Variants in LPAR6 observed in about 807,000 individuals in gnomAD.
The protein encoded by LPAR6 is G-protein coupled purinergic receptor P2Y5.
LPAR6 carries 17 observed loss-of-function variants against 22.0 expected under a neutral mutation model. The ratio of observed to expected loss-of-function variants is 0.77; its 90% CI spans 0.53 to 1.16. LPAR6 has a LOEUF of 1.16. LPAR6 is among the 50% of genes most tolerant of loss of function. The pLI is 0.00. For missense variants in LPAR6, 384 were observed against 406.9 expected (o/e 0.94, Z 0.48); for synonymous variants, 136 against 139.8 (o/e 0.97, Z 0.19).
At chr13:48,429,774 C>A (rs1374073559), upstream of LPAR6, among the ~76,000 whole-genome samples, 1 of 152,062 alleles carries the variant, frequency 6.6e-6, no homozygotes, top group East Asian at 1.9e-4. Context: ...CAGCAGTAAT[C>A]AACTGGAAAA....
intron 1 of LPAR6, among the ~76,000 whole-genome samples, chr13:48,435,443 G>GT (rs1949173647): frequency 1.3e-5 from 2 of 152,042 alleles, no homozygotes; most frequent in African/African-American, 4.8e-5. Context: ...AGTTTTGAGG[G>GT]TTCTTTATAT....
upstream of LPAR6, among the ~76,000 whole-genome samples, chr13:48,430,550 G>C (rs1949118720): frequency 6.6e-6 from 1 of 152,110 alleles, no homozygotes; most frequent in African/African-American, 2.4e-5. Flanking sequence ...CACCAGCCTA[G>C]CTAACGTGGT....
chr13:48,426,806 A>G (rs1949085958), intron 1 of LPAR6: 1 of 152,250 alleles, frequency 6.6e-6, no homozygotes, highest in Admixed American at 6.5e-5. Context: ...CTGTAAAGAA[A>G]TACCTGAGAC....
upstream of LPAR6, among the ~76,000 whole-genome samples, chr13:48,428,720 T>C (rs1025237212): frequency 1.3e-5 from 2 of 152,236 alleles, no homozygotes; most frequent in Non-Finnish European, 2.9e-5. Context: ...ATTTTTAGCT[T>C]CATCTTTATT....
intron 1 of LPAR6, among the ~76,000 whole-genome samples, chr13:48,400,353 A>C (rs183765821): frequency 1.1e-4 from 17 of 152,272 alleles, no homozygotes; most frequent in African/African-American, 3.6e-4. Context: ...CTGTGTCCAC[A>C]AAACTGGTTG....
intron 1 of LPAR6, among the ~76,000 whole-genome samples, chr13:48,403,213 T>G (rs961382254): frequency 2.0e-5 from 3 of 152,178 alleles, no homozygotes; most frequent in Non-Finnish European, 2.9e-5. Context: ...TAACTTGGAT[T>G]GTGCAATTGC....
downstream of LPAR6, among the ~76,000 whole-genome samples, chr13:48,409,576 T>A (rs1356265552): frequency 8.5e-6 from 1 of 117,484 alleles, no homozygotes; most frequent in Non-Finnish European, 1.7e-5. Context: ...CTTGATTTTT[T>A]TTTTTTTTTT....
chr13:48,412,393 A>G lies in LPAR6; in HGVS notation c.31T>C (p.Tyr11His), dbSNP rs373090147. Residue 11 changes from tyrosine (Y) to histidine (H), a missense_variant, in exon 1 of 1, where the codon TAT becomes CAT. Tyr to His is a moderately conservative substitution (Grantham distance 83, BLOSUM62 2). Transcript: ENST00000620633. ...AAAGTGTACTTAAAGGAGTCATTAT[A>G]GAAGCAGTGGGAGCTGTTAACGCTT... MVSVNSSHCF[Y>H]NDSFKYTLYG... 4.3e-5 allele frequency: 69 copies of G among 1,613,938 alleles called. No individual in the cohort carries two copies. The highest frequency in any genetic ancestry group is 5.3e-5 in the Non-Finnish European group (63 of 1,179,906).
downstream of LPAR6, among the ~76,000 whole-genome samples, chr13:48,407,648 A>C (rs899378937): frequency 6.6e-6 from 1 of 152,192 alleles, no homozygotes; most frequent in African/African-American, 2.4e-5. Context: ...TTTAGATATT[A>C]ATGTGTGTTC....
At chr13:48,424,840 G>A (rs1949056869) in intron 1 of LPAR6, among the ~76,000 whole-genome samples, 1 of 152,084 alleles carries the variant, frequency 6.6e-6, no homozygotes, top group South Asian at 2.1e-4. Context: ...ACCTCTTGAG[G>A]TCAGGAGTTT....
chr13:48,442,560 A>T (rs1949248723), intron 1 of LPAR6, among the ~76,000 whole-genome samples: 1 of 152,240 alleles, frequency 6.6e-6, no homozygotes, highest in African/African-American at 2.4e-5. Flanking sequence ...AAACTCTTTA[A>T]CAAGGTTTTT....
chr13:48,397,978 T>G (rs914354492), intron 1 of LPAR6, among the ~76,000 whole-genome samples: 1 of 152,186 alleles, frequency 6.6e-6, no homozygotes, highest in African/African-American at 2.4e-5. Context: ...TGTTTTAAGT[T>G]ATATTTTGCT....
intron 1 of LPAR6, among the ~76,000 whole-genome samples, chr13:48,442,599 C>T (rs1276599066): frequency 6.6e-6 from 1 of 152,034 alleles, no homozygotes; most frequent in Non-Finnish European, 1.5e-5. Context: ...GAGGAAGACC[C>T]TCACTGAATT....
chr13:48,391,651 C>G (rs972148809), intron 1 of LPAR6: 1 of 152,264 alleles, frequency 6.6e-6, no homozygotes, highest in African/African-American at 2.4e-5. Flanking sequence ...TGGAGTCTCT[C>G]TCTGTCACCC....
intron 1 of LPAR6, among the ~76,000 whole-genome samples, chr13:48,442,122 C>T (rs1465808985): frequency 6.6e-6 from 1 of 152,136 alleles, no homozygotes; most frequent in Non-Finnish European, 1.5e-5. Context: ...GCTTCAAGAA[C>T]TTTCCTATTC....
Position 48,412,714 on chromosome 13 carries a change from A to G in LPAR6, c.-291T>C. On this transcript the variant is annotated 5_prime_UTR_variant, in exon 1 of 1. Coordinates refer to ENST00000620633, the MANE Select transcript of LPAR6 (RefSeq NM_001162498.3). ...CTGACGAGCAACCTTTAAAAAATAC[A>G]GTCAACGAGTCCAACCCATAGGATT... 2.2e-6 allele frequency: 1 copy of G among 457,256 alleles called. No individual in the cohort carries two copies. Among genetic ancestry groups the G allele is most frequent in the Non-Finnish European group, 4.1e-6 (1 of 241,328 alleles). The allele number at this position is 457,256 out of a possible 1,614,324, so 28.3% of individuals were successfully genotyped here. A position where few individuals can be genotyped will look rare whatever the true frequency, so the allele number is the denominator to read the frequency against.
chr13:48,439,089 G>A (rs1006325772), intron 1 of LPAR6, among the ~76,000 whole-genome samples: 1 of 152,104 alleles, frequency 6.6e-6, no homozygotes, highest in East Asian at 1.9e-4. Context: ...GTAAGCAAAG[G>A]AACGTGACTC....
rs1948841432 is a variant in LPAR6, at chr13:48,412,877, CTTATT to C, written c.-459_-455del. 1 of 183,318 alleles carries C rather than the reference CTTATT, an allele frequency of 5.5e-6. No homozygotes were observed. Among genetic ancestry groups the C allele is most frequent in the African/African-American group, 2.4e-5 (1 of 41,580 alleles). The allele number at this position is 183,318 out of a possible 1,614,324, so 11.4% of individuals were successfully genotyped here. The stretch of plus-strand genomic sequence containing the variant: ...AGAATGTTAAGCTTAAGTTATCAAT[CTTATT>C]TTCTTTTCAGTGCAGAGTTTCAGAG... On this transcript the variant is annotated 5_prime_UTR_variant, in exon 1 of 1. It removes the in-frame stop codon of an upstream open reading frame in the 5' UTR. Coordinates refer to ENST00000620633, the MANE Select transcript of LPAR6 (RefSeq NM_001162498.3).
intron 1 of LPAR6, among the ~76,000 whole-genome samples, chr13:48,440,579 A>T (rs2138304680): frequency 6.6e-6 from 1 of 152,304 alleles, no homozygotes; most frequent in South Asian, 2.1e-4. Context: ...GGGTAAGGCG[A>T]TCTGCCTTGC....
Sources: allele counts gnomAD v4.1 joint callset (sites outside exome capture counted in the v4.1 genomes callset), GRCh38; gene constraint gnomAD v4.1.1; transcripts MANE v1.5; gene names NCBI Gene and HGNC (gene_info 2026-07-23, HGNC 2026-07-21).